VPS36: variants seen among roughly 807,000 people sequenced by gnomAD.
VPS36 encodes the protein vacuolar protein-sorting-associated protein 36.
A neutral mutation model predicts 63.5 loss-of-function variants in VPS36; 31 were observed. That is an observed-to-expected ratio of 0.49 (90% CI 0.37 to 0.66). The LOEUF is 0.66. Among genes scored for constraint, VPS36 ranks in the 30% least tolerant of loss-of-function variants. The pLI, the probability that VPS36 is intolerant of heterozygous loss-of-function variation, is 0.00. For missense variants in VPS36, 338 were observed against 463.7 expected (o/e 0.73, Z 2.49); for synonymous variants, 138 against 157.2 (o/e 0.88, Z 0.91).
At chr13:52,416,532 A>G (rs1450468606) in intron 12 of VPS36, among the ~76,000 whole-genome samples, 9 of 152,238 alleles carry the variant, frequency 5.9e-5, no homozygotes, top group Admixed American at 1.3e-4. Flanking sequence ...GATAATAAAT[A>G]TAAGTTATTC....
At chr13:52,426,376 T>A (rs1168820948) in intron 8 of VPS36, among the ~76,000 whole-genome samples, 1 of 152,226 alleles carries the variant, frequency 6.6e-6, no homozygotes, top group Middle Eastern at 3.2e-3. Flanking sequence ...AGAAAATGGC[T>A]GTGATTAGAC....
chr13:52,417,070 G>A lies in VPS36; in HGVS notation c.977C>T (p.Ser326Leu), dbSNP rs763017466. 2.4e-5 allele frequency: 39 copies of A among 1,613,806 alleles called. No individual in the cohort carries two copies. The highest frequency in any genetic ancestry group is 3.3e-5 in the South Asian group (3 of 91,026). ...QSHKEEEMVA[S>L]ALETVSEKGS... The stretch of plus-strand genomic sequence containing the variant: ...GGCTTCACATACTGTCTCCAGGGCC[G>A]AGGCCACCATTTCCTCTTCCTTGTG... The change falls in exon 12 of 14, where the codon TCG becomes TTG. Residue 326 changes from serine to leucine, a missense_variant. Transcript: ENST00000378060.
Position 52,442,368 on chromosome 13 carries a change from G to A in VPS36, c.165+9C>T. ...AAACCTACAACAGATGCAAAAAACT[G>A]TATCTTACATGATTTTTCTGATCTC... On this transcript the variant is annotated intron_variant, in intron 2 of 13. Coordinates refer to ENST00000378060, the MANE Select transcript of VPS36 (RefSeq NM_016075.4). 6.2e-7 allele frequency: 1 copy of A among 1,601,594 alleles called. No homozygotes were observed. Among genetic ancestry groups the A allele is most frequent in the Non-Finnish European group, 8.5e-7 (1 of 1,176,248 alleles).
At chr13:52,450,468 A>C (rs369653708) in intron 1 of VPS36, 31 bp downstream of exon 1, 108 of 1,576,322 alleles carry the variant, frequency 6.9e-5, no homozygotes, top group Middle Eastern at 1.7e-4. Context: ...CCCTTCCGCC[A>C]GCCCGTTGGG....
intron 9 of VPS36, among the ~76,000 whole-genome samples, chr13:52,425,155 A>C (rs1594115236): frequency 1.3e-5 from 2 of 150,278 alleles, no homozygotes; most frequent in Admixed American, 1.3e-4. Flanking sequence ...CTGGAGGCTG[A>C]GGCAGGAGAA....
chr13:52,442,418 G>A lies in VPS36; in HGVS notation c.124C>T (p.Leu42Phe). The A allele has an allele frequency of 6.2e-7, 1 of 1,612,426 alleles. No individual in the cohort carries two copies. Among genetic ancestry groups the A allele is most frequent in the Non-Finnish European group, 8.5e-7 (1 of 1,179,474 alleles). ...CTCCAAATCAGTCGGTGTGTACTAA[G>A]AAGGAGAGTCCCAGCATCAAATTTT... ...KIKFDAGTLLLSTHRLIWRDQ... is the reference protein window; with the variant it reads ...KIKFDAGTLLFSTHRLIWRDQ... The change falls in exon 2 of 14, where the codon CTT becomes TTT. Residue 42 changes from leucine to phenylalanine, a missense_variant. By Grantham distance (22) the Leu-to-Phe change is conservative (BLOSUM62 0). Transcript: ENST00000378060.
At chr13:52,431,190 G>A (rs188158255) in intron 6 of VPS36, among the ~76,000 whole-genome samples, 1 of 152,262 alleles carries the variant, frequency 6.6e-6, no homozygotes, top group Non-Finnish European at 1.5e-5. Flanking sequence ...TGTAGTGGCT[G>A]TATGCTCAGA....
intron 2 of VPS36, among the ~76,000 whole-genome samples, chr13:52,441,025 G>A (rs993509783): frequency 4.6e-5 from 7 of 152,156 alleles, no homozygotes; most frequent in Admixed American, 1.3e-4. Flanking sequence ...TAATGCGTCT[G>A]CTGATCTGAT....
At position 52,426,042 on chromosome 13, in the gene VPS36, G is replaced by A; in HGVS notation, c.664C>T (p.Leu222=). ...DETIRFKSYL[L]SMGIANPVTR... Reference sequence around the variant, plus strand: ...ACTGGGTTAGCTATTCCCATGCTCAGCAAGTAGGATTTAAACCTGATGGTC... The same window carrying A: ...ACTGGGTTAGCTATTCCCATGCTCAACAAGTAGGATTTAAACCTGATGGTC... Residue 222 remains leucine, a synonymous_variant, in exon 9 of 14, where the codon CTG becomes TTG. Transcript: ENST00000378060. 1 of 1,614,046 alleles carries A rather than the reference G, an allele frequency of 6.2e-7. No homozygotes were observed. The highest frequency in any genetic ancestry group is 8.5e-7 in the Non-Finnish European group (1 of 1,179,950).
At chr13:52,419,388 G>A (rs556552973) in intron 10 of VPS36, among the ~76,000 whole-genome samples, 21 of 152,314 alleles carry the variant, frequency 1.4e-4, no homozygotes, top group Admixed American at 1.3e-3. Flanking sequence ...GCAGAGGAAG[G>A]GCTTCCTGAA....
At chr13:52,427,785 AG>A (rs1244331723) in intron 6 of VPS36, among the ~76,000 whole-genome samples, 2 of 152,222 alleles carry the variant, frequency 1.3e-5, no homozygotes, top group African/African-American at 2.4e-5. Context: ...TGATTAAATA[AG>A]CAAAAGGTGA....
chr13:52,443,202 T>A (rs1037380083), intron 1 of VPS36, among the ~76,000 whole-genome samples: 6 of 151,706 alleles, frequency 4.0e-5, no homozygotes, highest in Admixed American at 3.9e-4. Flanking sequence ...ACGAAAAAAA[T>A]TATAAAAGCA....
chr13:52,432,224 G>A (rs372976423), intron 6 of VPS36, among the ~76,000 whole-genome samples: 6 of 152,138 alleles, frequency 3.9e-5, no homozygotes, highest in East Asian at 1.9e-4. Context: ...GGTGGCGGGC[G>A]CCTATAGGCC....
chr13:52,420,609 AG>A (rs1958036680), intron 10 of VPS36, among the ~76,000 whole-genome samples: 1 of 151,690 alleles, frequency 6.6e-6, no homozygotes, highest in African/African-American at 2.4e-5. Context: ...CTGGGATTAC[AG>A]GCATGAGCCA....
intron 10 of VPS36, among the ~76,000 whole-genome samples, chr13:52,418,355 T>C (rs1314094212): frequency 2.6e-5 from 4 of 151,784 alleles, no homozygotes; most frequent in Non-Finnish European, 4.4e-5. Flanking sequence ...GGCAGGTGAA[T>C]TACAAGGTCA....
intron 1 of VPS36, among the ~76,000 whole-genome samples, chr13:52,447,992 T>C (rs561260527): frequency 6.6e-6 from 1 of 152,270 alleles, no homozygotes; most frequent in South Asian, 2.1e-4. Flanking sequence ...CATATTCTGA[T>C]GAGAGGATTA....
Position 52,413,481 on chromosome 13 carries a change from A to G in VPS36, c.*2349T>C, listed in dbSNP as rs933165471. On this transcript the variant is annotated 3_prime_UTR_variant, in exon 14 of 14. Transcript: ENST00000378060. ...GGTTTCTCATTTGCATATATGTTTC[A>G]GAGTATTTAAAAAGAATGCCAAGAA... 8 of 152,238 alleles carry G rather than the reference A, an allele frequency of 5.3e-5. No individual in the cohort carries two copies. Among genetic ancestry groups the G allele is most frequent in the African/African-American group, 1.9e-4 (8 of 41,468 alleles). 9.4% of individuals were successfully genotyped at this position (152,238 alleles called of 1,614,324 possible).
intron 10 of VPS36, among the ~76,000 whole-genome samples, chr13:52,419,352 G>A (rs1190318877): frequency 6.6e-6 from 1 of 152,200 alleles, no homozygotes; most frequent in African/African-American, 2.4e-5. Context: ...TGTTCCAACC[G>A]AGTTGATTCA....
chr13:52,432,653 G>A (rs1958171609), intron 6 of VPS36, among the ~76,000 whole-genome samples: 1 of 152,182 alleles, frequency 6.6e-6, no homozygotes, highest in Non-Finnish European at 1.5e-5. Flanking sequence ...TCTGACGAAA[G>A]AACACAGCAT....
Sources: allele counts gnomAD v4.1 joint callset (sites outside exome capture counted in the v4.1 genomes callset), GRCh38; gene constraint gnomAD v4.1.1; transcripts MANE v1.5; gene names NCBI Gene and HGNC (gene_info 2026-07-23, HGNC 2026-07-21).